SLC45A4: variants seen among roughly 807,000 people sequenced by gnomAD.
SLC45A4 encodes polyamine-transporter SLC45A4.
Under a neutral mutation model 63.7 loss-of-function variants are expected in SLC45A4, and 32 were observed. The ratio of observed to expected loss-of-function variants is 0.50; its 90% confidence interval spans 0.38 to 0.67. SLC45A4 has a LOEUF of 0.67. SLC45A4 is among the 30% of genes least tolerant of loss of function. The pLI is 0.00. For missense variants in SLC45A4, 1,027 were observed against 1,157.7 expected, an observed-to-expected ratio of 0.89 and a Z score of 1.64; for synonymous variants, 535 against 510.0, an observed-to-expected ratio of 1.05 and a Z score of -0.66.
rs201659725 is a variant in SLC45A4, at chr8:141,218,691, C to T, written c.949G>A (p.Ala317Thr). The change falls in exon 5 of 9, where the codon GCG becomes ACG. Residue 317 changes from alanine to threonine, a missense_variant. Physicochemically the swap from Ala to Thr is moderately conservative, Grantham distance 58. Transcript: ENST00000517878. ...SDSALHVPDT[A>T]LDLEPELLFL... ...AGCAGCTCGGGCTCCAGGTCCAGCG[C>T]GGTGTCCGGCACGTGCAATGCCGAG... The T allele has an allele frequency of 2.9e-5, 47 of 1,612,592 alleles. No homozygotes were observed. Among genetic ancestry groups the T allele is most frequent in the Non-Finnish European group, 3.9e-5 (46 of 1,179,424 alleles).
At chr8:141,221,257 C>T (rs947373279) in intron 3 of SLC45A4, among the ~76,000 whole-genome samples, 65 of 152,182 alleles carry the variant, frequency 4.3e-4, no homozygotes, top group African/African-American at 1.4e-3. Flanking sequence ...AACACCAAGT[C>T]GAAGAAAAGG....
chr8:141,219,934 C>A (rs1028888550), intron 3 of SLC45A4, 105 bp from the exon 4 acceptor site: 4 of 1,095,512 alleles, frequency 3.7e-6, no homozygotes, highest in Non-Finnish European at 5.0e-6. Flanking sequence ...GGCACGGCCA[C>A]AAAACCATGC....
chr8:141,292,196 A>C (rs1830372829), intron 1 of SLC45A4, among the ~76,000 whole-genome samples: 1 of 152,226 alleles, frequency 6.6e-6, no homozygotes, highest in African/African-American at 2.4e-5. Context: ...AGGTTCTCAC[A>C]GGAGAAAACG....
Position 141,299,345 on chromosome 8 carries a change from T to G in SLC45A4, c.-401+8751A>C, listed in dbSNP as rs549507928. On this transcript the variant is annotated intron_variant, in intron 1 of 8. Coordinates refer to ENST00000517878, the MANE Select transcript of SLC45A4 (RefSeq NM_001286646.2). ...AAAAACACTCTCGACACCTCAATAG[T>G]TCAGTAGTGGACTAGACATGTTTTC... Among the ~76,000 whole-genome samples the G allele has an allele frequency of 5.3e-5, 8 of 152,330 alleles. No homozygotes were observed. The East Asian group carries it at 1.5e-3, about 29-fold the overall frequency.
Position 141,218,107 on chromosome 8 carries a change from C to G in SLC45A4, c.1533G>C (p.Leu511=), listed in dbSNP as rs746004490. 3.7e-6 allele frequency: 6 copies of G among 1,612,490 alleles called. No homozygotes were observed. The South Asian group carries it at 6.6e-5, about 18-fold the overall frequency. The change falls in exon 5 of 9, where the codon CTG becomes CTC. Residue 511 remains leucine (L), a synonymous_variant. Transcript: ENST00000517878. The part of the protein sequence containing the change: ...MLKMPRELMR[L]CLCHLLTWFS... Reference sequence around the variant, plus strand: ...ACCAGGTGAGGAGGTGGCAGAGGCACAGCCGCATCAGCTCCCTGGGCATCT... The same window carrying G: ...ACCAGGTGAGGAGGTGGCAGAGGCAGAGCCGCATCAGCTCCCTGGGCATCT...
At position 141,293,457 on chromosome 8, in the gene SLC45A4, G is replaced by GA. The variant is rs999768434; in HGVS notation, c.-401+14638dup. On this transcript the variant is annotated intron_variant, in intron 1 of 8. Coordinates refer to ENST00000517878, the MANE Select transcript of SLC45A4 (RefSeq NM_001286646.2). ...CAACAGAATGAGACTCCGTCTCGAA[G>GA]AAAAAAAAAGAAAATAAAATGCACG... Among the ~76,000 whole-genome samples, 10 of 149,382 alleles carry GA rather than the reference G, an allele frequency of 6.7e-5. No individual in the cohort carries two copies. The South Asian group carries it at 8.5e-4, about 13-fold the overall frequency.
intron 2 of SLC45A4, chr8:141,225,108 C>T (rs977231277): frequency 3.9e-5 from 6 of 152,194 alleles, no homozygotes; most frequent in Admixed American, 3.9e-4. Context: ...CCCATCTGAC[C>T]AGTGCGACAC....
rs10589571 is a variant in SLC45A4 at position 141,235,047 on chromosome 8, GGTTT to G, written c.242-13286_242-13283del. ...AACCGAAACTGACTCTCCAGCACTGGGTTTGTTGCTTCATCTCCGAGTGAAGGTG... is the reference window on the plus strand; with the variant it reads ...AACCGAAACTGACTCTCCAGCACTGGGTTGCTTCATCTCCGAGTGAAGGTG... On this transcript the variant is annotated intron_variant, in intron 2 of 8. Transcript: ENST00000517878. Among the ~76,000 whole-genome samples the G allele has an allele frequency of 3.2e-3, 492 of 152,306 alleles. 2 individuals carry two copies. Among genetic ancestry groups the G allele is most frequent in the African/African-American group, 0.011 (464 of 41,556 alleles).
chr8:141,264,228 G>T (rs1486453540), intron 1 of SLC45A4, among the ~76,000 whole-genome samples: 1 of 152,176 alleles, frequency 6.6e-6, no homozygotes. Flanking sequence ...CTCGAGTGTG[G>T]TGTGAGTCAG....
At chr8:141,288,863 T>G (rs1297962394) in intron 1 of SLC45A4, among the ~76,000 whole-genome samples, 1 of 152,220 alleles carries the variant, frequency 6.6e-6, no homozygotes, top group Non-Finnish European at 1.5e-5. Context: ...ACATTTTCTG[T>G]GGGACTCCCC....
chr8:141,249,927 A>G (rs1828388236), intron 2 of SLC45A4, among the ~76,000 whole-genome samples: 1 of 152,194 alleles, frequency 6.6e-6, no homozygotes, highest in South Asian at 2.1e-4. Context: ...TCTATTCATG[A>G]TTCCTGCTCT....
At chr8:141,212,067 A>T in intron 8 of SLC45A4, 130 bp downstream of exon 8, 1 of 1,405,224 alleles carries the variant, frequency 7.1e-7, no homozygotes, top group Non-Finnish European at 9.2e-7. Context: ...TCTGGCCCGC[A>T]CTGCCGGGTC....
intron 1 of SLC45A4, among the ~76,000 whole-genome samples, chr8:141,275,272 C>T (rs1033157115): frequency 7.2e-5 from 11 of 152,188 alleles, no homozygotes; most frequent in African/African-American, 1.9e-4. Context: ...ACAGCAGCCA[C>T]GTTCAAGATG....
At chr8:141,299,400 T>G (rs1386151989) in intron 1 of SLC45A4, among the ~76,000 whole-genome samples, 1 of 152,214 alleles carries the variant, frequency 6.6e-6, no homozygotes, top group Non-Finnish European at 1.5e-5. Context: ...TCGGCTTACC[T>G]AGGGAGACAC....
At chr8:141,267,521 A>G (rs71516612) in intron 1 of SLC45A4, among the ~76,000 whole-genome samples, 11,525 of 152,286 alleles carry the variant, frequency 0.076, 614 homozygotes, top group Non-Finnish European at 0.11. Context: ...TGTGAGATGG[A>G]TTCTTATTAC....
intron 1 of SLC45A4, among the ~76,000 whole-genome samples, chr8:141,307,584 G>A (rs1220035044): frequency 3.3e-5 from 5 of 152,122 alleles, no homozygotes; most frequent in East Asian, 1.9e-4. Context: ...GACCGGTCCA[G>A]ACAGAGGGGA....
chr8:141,258,054 T>C (rs1828875269), intron 1 of SLC45A4, among the ~76,000 whole-genome samples: 2 of 137,826 alleles, frequency 1.5e-5, no homozygotes, highest in South Asian at 4.7e-4. Context: ...TTTTTGTTTC[T>C]TCTTCCTTTT....
chr8:141,298,350 C>T (rs368920507), intron 1 of SLC45A4, among the ~76,000 whole-genome samples: 3 of 152,244 alleles, frequency 2.0e-5, no homozygotes, highest in Non-Finnish European at 2.9e-5. Context: ...ATGCCCTCCT[C>T]GGGGTTCCCA....
intron 1 of SLC45A4, among the ~76,000 whole-genome samples, chr8:141,303,673 T>C (rs1389590545): frequency 1.3e-5 from 2 of 152,098 alleles, no homozygotes; most frequent in Admixed American, 6.5e-5. Context: ...TGGGGCAAAC[T>C]ACAAAAACTC....
Sources: allele counts gnomAD v4.1 joint callset (sites outside exome capture counted in the v4.1 genomes callset), GRCh38; gene constraint gnomAD v4.1.1; transcripts MANE v1.5; gene names NCBI Gene and HGNC (gene_info 2026-07-23, HGNC 2026-07-21).